The following SHROOM2 variants were observed in gnomAD, a reference collection of about 807,000 sequenced individuals.
SHROOM2 encodes protein Shroom2.
Under a neutral mutation model 75.9 loss-of-function variants are expected in SHROOM2, and 33 were observed. The observed-to-expected ratio is 0.43, with a 90% CI of 0.33 to 0.58. The LOEUF (loss-of-function observed/expected upper bound fraction) is 0.58, where lower values mean the gene tolerates loss of function less well. Ranked by LOEUF, SHROOM2 falls within the 20% of genes least tolerant of loss-of-function variation. The pLI is 0.04. For missense variants in SHROOM2, 1,434 were observed against 1,461.2 expected, an observed-to-expected ratio of 0.98 and a Z score of 0.30; for synonymous variants, 655 against 663.6, an observed-to-expected ratio of 0.99 and a Z score of 0.20.
intron 1 of SHROOM2, among the ~76,000 whole-genome samples, chrX:9,837,936 T>G (rs1382612292): frequency 9.0e-6 from 1 of 111,281 alleles, no homozygotes; most frequent in Admixed American, 9.6e-5. Flanking sequence ...CACTGGGGCA[T>G]CGGGGTCACC....
intron 1 of SHROOM2, among the ~76,000 whole-genome samples, chrX:9,804,250 G>C (rs1352228753): frequency 1.8e-5 from 2 of 111,198 alleles, no homozygotes; most frequent in East Asian, 5.7e-4. Context: ...CCAGGACTCT[G>C]AGTCTCAAGC....
intron 1 of SHROOM2, among the ~76,000 whole-genome samples, chrX:9,808,075 C>G (rs746790287): frequency 4.5e-5 from 5 of 111,271 alleles, no homozygotes; most frequent in Non-Finnish European, 9.4e-5. Flanking sequence ...CTGATTTCCT[C>G]CCAGACTTTG....
In SHROOM2 at chrX:9,788,451, G is replaced by C. The variant is rs773373691; in HGVS notation, c.165+1741G>C. The stretch of plus-strand genomic sequence containing the variant: ...TCATTTGAAAGCCTCATGGGAGTGC[G>C]TGTAGTAGAACTGGGAGGGGTGTCA... On this transcript the variant is annotated intron_variant, in intron 1 of 9. Coordinates refer to ENST00000380913, the MANE Select transcript of SHROOM2 (RefSeq NM_001649.4). Among the ~76,000 whole-genome samples, 4 of 111,494 alleles carry C rather than the reference G, an allele frequency of 3.6e-5. No homozygotes were observed. In the East Asian group the frequency reaches 1.1e-3, roughly 31 times the overall value.
At chrX:9,849,883 G>A (rs1319073579) in intron 1 of SHROOM2, among the ~76,000 whole-genome samples, 1 of 112,324 alleles carries the variant, frequency 8.9e-6, no homozygotes, top group East Asian at 2.8e-4. Flanking sequence ...AGCAAGGAAT[G>A]GATACATTAG....
At chrX:9,943,056 G>C (rs1408683159) in intron 8 of SHROOM2, among the ~76,000 whole-genome samples, 1 of 109,218 alleles carries the variant, frequency 9.2e-6, no homozygotes, top group Non-Finnish European at 1.9e-5. Context: ...GAGAGACCCC[G>C]TCTCTACAAA....
intron 7 of SHROOM2, among the ~76,000 whole-genome samples, chrX:9,938,017 G>T (rs2084732465): frequency 9.0e-6 from 1 of 110,626 alleles, no homozygotes; most frequent in Admixed American, 9.6e-5. Context: ...CTACCCTGGG[G>T]GACAGTTGGC....
chrX:9,910,787 T>A (rs189052501), intron 5 of SHROOM2, among the ~76,000 whole-genome samples: 106 of 107,378 alleles, frequency 9.9e-4, no homozygotes, highest in African/African-American at 3.5e-3. Flanking sequence ...ACTGCGCTTT[T>A]GCCTGGGTGA....
intron 1 of SHROOM2, among the ~76,000 whole-genome samples, chrX:9,835,478 C>T (rs750880774): frequency 1.8e-5 from 2 of 112,225 alleles, no homozygotes; most frequent in African/African-American, 3.2e-5. Flanking sequence ...TTTAGGAAAA[C>T]GTTAATTCTT....
chrX:9,881,805 TAA>T (rs775900137), intron 2 of SHROOM2, among the ~76,000 whole-genome samples: 76 of 112,429 alleles, frequency 6.8e-4, no homozygotes, highest in Non-Finnish European at 8.8e-4. Flanking sequence ...GCTGTGACTG[TAA>T]AGTCTCTTTT....
chrX:9,825,801 T>C (rs1177104023), intron 1 of SHROOM2, among the ~76,000 whole-genome samples: 1 of 112,464 alleles, frequency 8.9e-6, no homozygotes, highest in Non-Finnish European at 1.9e-5. Flanking sequence ...TGACGCTGTC[T>C]GACCCTTTCT....
intron 1 of SHROOM2, among the ~76,000 whole-genome samples, chrX:9,841,336 TA>T (rs1353733952): frequency 8.9e-6 from 1 of 112,252 alleles, no homozygotes; most frequent in Non-Finnish European, 1.9e-5. Context: ...TGAGGATTTT[TA>T]TAATGCATAA....
intron 5 of SHROOM2, among the ~76,000 whole-genome samples, chrX:9,931,466 G>A (rs1033031434): frequency 3.6e-5 from 4 of 111,323 alleles, no homozygotes; most frequent in Non-Finnish European, 7.5e-5. Context: ...GGGCAGCACA[G>A]TGAGACCCCA....
At chrX:9,891,226 A>G in intron 3 of SHROOM2, 118 bp downstream of exon 3, 1 of 885,508 alleles carries the variant, frequency 1.1e-6, no homozygotes, top group Non-Finnish European at 1.5e-6. Flanking sequence ...ACACATAATC[A>G]CAGTTGGAGG....
intron 1 of SHROOM2, among the ~76,000 whole-genome samples, chrX:9,864,040 TG>T (rs1036946924): frequency 9.0e-6 from 1 of 111,154 alleles, no homozygotes; most frequent in African/African-American, 3.3e-5. Flanking sequence ...TCAGCACCTT[TG>T]GGTGGTGGTT....
chrX:9,787,453 C>A (rs1381466302), intron 1 of SHROOM2, among the ~76,000 whole-genome samples: 3 of 112,432 alleles, frequency 2.7e-5, no homozygotes, highest in Non-Finnish European at 5.6e-5. Context: ...AACACATAAA[C>A]AACAGTCCAG....
intron 1 of SHROOM2, among the ~76,000 whole-genome samples, chrX:9,860,368 G>A (rs935145091): frequency 1.7e-4 from 19 of 111,905 alleles, no homozygotes; most frequent in African/African-American, 6.2e-4. Flanking sequence ...TCTTCTGTGG[G>A]TCTTGTGGTT....
intron 2 of SHROOM2, among the ~76,000 whole-genome samples, chrX:9,881,278 T>C (rs1011512545): frequency 2.7e-5 from 3 of 111,866 alleles, no homozygotes; most frequent in Non-Finnish European, 5.6e-5. Context: ...TCTGCAGTTA[T>C]AGTAAATGAC....
intron 3 of SHROOM2, among the ~76,000 whole-genome samples, chrX:9,892,454 G>A (rs2147013631): frequency 9.0e-6 from 1 of 110,845 alleles, no homozygotes; most frequent in Non-Finnish European, 1.9e-5. Flanking sequence ...TCTCAACTGA[G>A]TAGTAACACT....
intron 5 of SHROOM2, among the ~76,000 whole-genome samples, chrX:9,919,761 C>G (rs999022818): frequency 1.8e-5 from 2 of 111,508 alleles, no homozygotes; most frequent in African/African-American, 6.5e-5. Context: ...TCACTGCAAC[C>G]CATCAGAGAG....
Sources: gnomAD v4.1 joint callset for allele counts (sites outside exome capture counted in the v4.1 genomes callset) on GRCh38, gnomAD v4.1.1 for gene constraint, MANE v1.5 for transcripts, NCBI Gene and HGNC (gene_info 2026-07-23, HGNC 2026-07-21) for gene names.